DDX1: variants seen among roughly 807,000 people sequenced by gnomAD.
The protein encoded by DDX1 is DEAD-box helicase 1.
Under a neutral mutation model 108.7 loss-of-function variants are expected in DDX1, and 28 were observed. That is an observed-to-expected ratio of 0.26 (90% CI 0.19 to 0.35). The LOEUF (loss-of-function observed/expected upper bound fraction) is 0.35, where lower values mean the gene tolerates loss of function less well. DDX1 is among the 10% of genes least tolerant of loss of function. The pLI, the probability that DDX1 is intolerant of heterozygous loss-of-function variation, is 1.00. For missense variants in DDX1, 710 were observed against 884.5 expected (o/e 0.80, Z 2.50); for synonymous variants, 295 against 288.9 (o/e 1.02, Z -0.21).
chr2:15,606,624 C>T (rs75196416), intron 12 of DDX1, among the ~76,000 whole-genome samples: 1 of 152,174 alleles, frequency 6.6e-6, no homozygotes, highest in Non-Finnish European at 1.5e-5. Context: ...CGAATAGGGA[C>T]TTTAAGTGAT....
intron 19 of DDX1, among the ~76,000 whole-genome samples, chr2:15,623,835 A>G (rs1666050179): frequency 6.6e-6 from 1 of 152,176 alleles, no homozygotes; most frequent in African/African-American, 2.4e-5. Flanking sequence ...ATTATATGGA[A>G]GAAGGATAAA....
At chr2:15,598,130 C>G (rs1300503978) in intron 5 of DDX1, among the ~76,000 whole-genome samples, 3 of 151,878 alleles carry the variant, frequency 2.0e-5, no homozygotes, top group Admixed American at 2.0e-4. Flanking sequence ...AATATTTTTT[C>G]CACATTTTAA....
chr2:15,627,532 T>C (rs1342125482), intron 20 of DDX1: 1 of 168,048 alleles, frequency 6.0e-6, no homozygotes, highest in Non-Finnish European at 1.3e-5. Flanking sequence ...AATATGGCTA[T>C]GTAGAATTAA....
intron 7 of DDX1, among the ~76,000 whole-genome samples, chr2:15,602,895 G>A (rs543424230): frequency 1.4e-3 from 207 of 152,234 alleles, no homozygotes; most frequent in African/African-American, 4.7e-3. Context: ...TGTACTTTTA[G>A]TAGAGATGGG....
intron 20 of DDX1, 163 bp downstream of exon 20, chr2:15,627,308 T>C (rs980106386): frequency 1.2e-4 from 56 of 486,564 alleles, no homozygotes; most frequent in Middle Eastern, 5.5e-4. Context: ...TTAGTCATTG[T>C]TGACACTCAA....
rs1329519126 is a variant in DDX1, at chr2:15,630,904, T to C, written c.2221T>C (p.Ter741ArgextTer9). The change falls in exon 26 of 26, where the codon TGA becomes CGA. Residue 741 changes from the stop codon to arginine (R), a stop_lost. Coordinates refer to ENST00000233084, the MANE Select transcript of DDX1 (RefSeq NM_004939.3). ...YLPNQLFRTF[*>R] ...TCCTAACCAGCTGTTCAGAACCTTC[T>C]GATTTTTACATTTACTGAATAAGAT... 6.2e-7 allele frequency: 1 copy of C among 1,613,694 alleles called. No homozygotes were observed. The highest frequency in any genetic ancestry group is 8.5e-7 in the Non-Finnish European group (1 of 1,179,802).
At chr2:15,612,867 CGTGG>C (rs983560138) in intron 13 of DDX1, among the ~76,000 whole-genome samples, 15 of 151,780 alleles carry the variant, frequency 9.9e-5, no homozygotes, top group Non-Finnish European at 1.5e-5. Context: ...ACCAGTCAGG[CGTGG>C]TGGCGCGTGC....
At chr2:15,592,066 C>T (rs1665422306) in intron 1 of DDX1, 117 bp downstream of exon 1, 2 of 986,744 alleles carry the variant, frequency 2.0e-6, no homozygotes, top group Admixed American at 4.1e-5. Context: ...GACAGAAGGG[C>T]GCTGTCCGCT....
chr2:15,620,132 T>C, intron 16 of DDX1, 76 bp from the exon 17 acceptor site: 1 of 1,314,832 alleles, frequency 7.6e-7, no homozygotes. Context: ...ACACTTTGTG[T>C]TTCATATCAG....
chr2:15,605,986 A>C lies in DDX1; in HGVS notation c.662A>C (p.His221Pro). ...DLGLAFEIPPHMKNQALFPAC... is the reference protein window; with the variant it reads ...DLGLAFEIPPPMKNQALFPAC... Reference sequence around the variant, plus strand: ...GGTCTGGCATTTGAAATACCACCACATATGAAAAACCAAGCCCTCTTTCCT... The same window carrying C: ...GGTCTGGCATTTGAAATACCACCACCTATGAAAAACCAAGCCCTCTTTCCT... The change falls in exon 11 of 26, where the codon CAT becomes CCT. Residue 221 changes from histidine to proline, a missense_variant. This residue lies in a region of DDX1 where 661 missense variants were observed against 810.2 expected (regional missense o/e 0.82). Transcript: ENST00000233084. The C allele has an allele frequency of 6.3e-7, 1 of 1,585,948 alleles. No homozygotes were observed.
intron 13 of DDX1, among the ~76,000 whole-genome samples, chr2:15,611,682 G>A (rs1407518738): frequency 2.6e-5 from 3 of 114,420 alleles, no homozygotes; most frequent in Admixed American, 8.0e-5. Context: ...GGCTGGCCGG[G>A]CGGGGGGCTG....
intron 19 of DDX1, 38 bp from the exon 20 acceptor site, chr2:15,627,016 A>G: frequency 7.2e-7 from 1 of 1,397,712 alleles, no homozygotes; most frequent in Non-Finnish European, 1.0e-6. Context: ...TAGGCAGAAG[A>G]TTTTCCAAGG....
rs1449571756 is a variant in DDX1, at chr2:15,596,670, TGTTA to T, written c.133-60_133-57del. The T allele has an allele frequency of 5.0e-5, 66 of 1,333,252 alleles. 1 individual carries two copies. The highest frequency in any genetic ancestry group is 7.1e-5 in the Non-Finnish European group (66 of 930,326). 82.6% of individuals were successfully genotyped at this position (1,333,252 alleles called of 1,614,324 possible). A position where few individuals can be genotyped will look rare whatever the true frequency, so the allele number is the denominator to read the frequency against. On this transcript the variant is annotated intron_variant, in intron 3 of 25. Coordinates refer to ENST00000233084, the MANE Select transcript of DDX1 (RefSeq NM_004939.3). Reference sequence around the variant, plus strand: ...TGTTAAAGATTTCTACATACTATGGTGTTAGTTTGATTTCTTTAATAGACAACTT... The same window carrying T: ...TGTTAAAGATTTCTACATACTATGGTGTTTGATTTCTTTAATAGACAACTT...
At chr2:15,619,025 G>A (rs1412849836) in intron 16 of DDX1, among the ~76,000 whole-genome samples, 6 of 152,228 alleles carry the variant, frequency 3.9e-5, no homozygotes, top group Non-Finnish European at 8.8e-5. Flanking sequence ...GGCCCCCCGA[G>A]TGCAGAGATG....
intron 1 of DDX1, among the ~76,000 whole-genome samples, chr2:15,594,054 G>C (rs933541958): frequency 6.6e-6 from 1 of 151,690 alleles, no homozygotes; most frequent in Admixed American, 6.6e-5. Context: ...CTCCAGCCTG[G>C]GTGACAGAGT....
In DDX1 at chr2:15,608,292, G is replaced by C. The variant is rs558657270; in HGVS notation, c.956+979G>C. On this transcript the variant is annotated intron_variant, in intron 13 of 25. Coordinates refer to ENST00000233084, the MANE Select transcript of DDX1 (RefSeq NM_004939.3). Reference sequence around the variant, plus strand: ...GCCTGTATTCCCAGTACTTTGGGGGGCCGAGGTGGGCGGTCACCTGAGGTC... The same window carrying C: ...GCCTGTATTCCCAGTACTTTGGGGGCCCGAGGTGGGCGGTCACCTGAGGTC... Among the ~76,000 whole-genome samples the C allele has an allele frequency of 1.8e-4, 27 of 152,244 alleles. No homozygotes were observed. The South Asian group carries it at 5.6e-3, about 32-fold the overall frequency.
intron 18 of DDX1, chr2:15,621,429 C>CTA: frequency 4.3e-6 from 1 of 234,694 alleles, no homozygotes; most frequent in African/African-American, 2.3e-5. Context: ...CTTGCCTCAG[C>CTA]CTCCCAAGTA....
intron 16 of DDX1, among the ~76,000 whole-genome samples, chr2:15,619,772 C>T (rs1665962811): frequency 6.6e-6 from 1 of 152,090 alleles, no homozygotes; most frequent in Admixed American, 6.6e-5. Context: ...TCCTGTAGAC[C>T]GTTTAGGGTG....
At chr2:15,630,170 G>A (rs758553285) in intron 25 of DDX1, 60 bp downstream of exon 25, 7 of 1,537,116 alleles carry the variant, frequency 4.6e-6, no homozygotes, top group Middle Eastern at 1.8e-4. Flanking sequence ...TTTGAACTTC[G>A]GTTTGGGAAG....
Sources: allele counts gnomAD v4.1 joint callset (sites outside exome capture counted in the v4.1 genomes callset), GRCh38; gene constraint gnomAD v4.1.1; regional missense constraint gnomAD v4.1.1; transcripts MANE v1.5; gene names NCBI Gene and HGNC (gene_info 2026-07-23, HGNC 2026-07-21).